Variants in ELANE observed in about 807,000 individuals in gnomAD.
ELANE encodes the protein neutrophil elastase.
A neutral mutation model predicts 20.6 loss-of-function variants in ELANE; 12 were observed. The ratio of observed to expected loss-of-function variants is 0.58; its 90% confidence interval spans 0.37 to 0.94. The LOEUF is 0.94. ELANE is among the 40% of genes least tolerant of loss of function. The pLI, the probability that ELANE is intolerant of heterozygous loss-of-function variation, is 0.01. For synonymous variants in ELANE, 203 were observed against 177.4 expected (o/e 1.14, Z -1.15); for missense variants, 388 against 395.2 (o/e 0.98, Z 0.15).
rs139637472 is a variant in ELANE, at chr19:852,367, C to A, written c.39C>A (p.Ala13=). The A allele has an allele frequency of 1.9e-6, 3 of 1,611,572 alleles. No individual in the cohort carries two copies. The African/African-American group carries it at 4.0e-5, about 22-fold the overall frequency. The stretch of plus-strand genomic sequence containing the variant: ...GCCGACTCGCGTGTCTTTTCCTCGC[C>A]TGTGTCCTGCCGGCCTTGCTGCTGG... ...LGRRLACLFL[A]CVLPALLLGG... The change falls in exon 1 of 5, where the codon GCC becomes GCA. Residue 13 remains alanine (A), a synonymous_variant. Coordinates refer to ENST00000263621, the MANE Select transcript of ELANE (RefSeq NM_001972.4).
Position 856,199 on chromosome 19 carries a change from C to A in ELANE, c.*35C>A. Reference sequence around the variant, plus strand: ...CCCGGGTCACCTCAGCTGCCCACACCCACACTCTCCAGCATCTGGCACAAT... The same window carrying A: ...CCCGGGTCACCTCAGCTGCCCACACACACACTCTCCAGCATCTGGCACAAT... On this transcript the variant is annotated 3_prime_UTR_variant, in exon 5 of 5. Transcript: ENST00000263621. The A allele has an allele frequency of 1.2e-6, 2 of 1,602,972 alleles. No individual in the cohort carries two copies. Among genetic ancestry groups the A allele is most frequent in the Non-Finnish European group, 1.7e-6 (2 of 1,171,286 alleles).
Position 852,754 on chromosome 19 carries a change from G to T in ELANE, c.68-122G>T, listed in dbSNP as rs1052644147. ...CCGATCCCGTGGGTTCCCGGTGGGG[G>T]ATCCCGTGGGTTCCCGGTGGGGGAT... On this transcript the variant is annotated intron_variant, in intron 1 of 4. Coordinates refer to ENST00000263621, the MANE Select transcript of ELANE (RefSeq NM_001972.4). 3.8e-5 allele frequency: 53 copies of T among 1,392,792 alleles called. No individual in the cohort carries two copies. The Admixed American group carries it at 1.3e-3, about 34-fold the overall frequency. 86.3% of individuals were successfully genotyped at this position (1,392,792 alleles called of 1,614,324 possible).
At position 852,350 on chromosome 19, in the gene ELANE, G is replaced by C. The variant is rs759486889; in HGVS notation, c.22G>C (p.Ala8Pro). 6.2e-7 allele frequency: 1 copy of C among 1,610,990 alleles called. No homozygotes were observed. The highest frequency in any genetic ancestry group is 8.5e-7 in the Non-Finnish European group (1 of 1,179,920). The change falls in exon 1 of 5, where the codon GCG becomes CCG. Residue 8 changes from alanine to proline, a missense_variant. This residue lies in a region of ELANE where 58 missense variants were observed against 56.7 expected (regional missense o/e 1.02). Transcript: ENST00000263621. ...CACCATGACCCTCGGCCGCCGACTC[G>C]CGTGTCTTTTCCTCGCCTGTGTCCT... MTLGRRL[A>P]CLFLACVLPA...
At position 852,344 on chromosome 19, in the gene ELANE, C is replaced by G; in HGVS notation, c.16C>G (p.Arg6Gly). 1.2e-6 allele frequency: 2 copies of G among 1,610,522 alleles called. No homozygotes were observed. The highest frequency in any genetic ancestry group is 1.7e-6 in the Non-Finnish European group (2 of 1,179,888). Reference protein sequence around the residue: MTLGRRLACLFLACVL... With the variant: MTLGRGLACLFLACVL... ...CAGCCCCACCATGACCCTCGGCCGC[C>G]GACTCGCGTGTCTTTTCCTCGCCTG... The change falls in exon 1 of 5, where the codon CGA becomes GGA. Residue 6 changes from arginine to glycine, a missense_variant. Around this residue, in one of 3 missense-constraint regions of ELANE, gnomAD observed 58 missense variants for 56.7 expected, o/e 1.02. Transcript: ENST00000263621.
chr19:853,999 C>G (rs921198914), intron 3 of ELANE, among the ~76,000 whole-genome samples: 4 of 151,650 alleles, frequency 2.6e-5, no homozygotes, highest in Non-Finnish European at 5.9e-5. Flanking sequence ...GAAGGGAGGC[C>G]CCGATCTGCT....
chr19:855,935 C>G lies in ELANE; in HGVS notation c.598-23C>G. 1 of 1,612,618 alleles carries G rather than the reference C, an allele frequency of 6.2e-7. No homozygotes were observed. The highest frequency in any genetic ancestry group is 8.5e-7 in the Non-Finnish European group (1 of 1,179,932). ...TGGGCAGGGCCTCGCAGTCCAGCTT[C>G]CCCACCTTGTCTGCCTCCACAGGGG... On this transcript the variant is annotated intron_variant, in intron 4 of 4. Transcript: ENST00000263621. The surrounding 1 kb of genome is among the most constrained non-coding windows in gnomAD (Gnocchi z 6.2).
chr19:854,794 A>G (rs961442477), intron 3 of ELANE, among the ~76,000 whole-genome samples: 1 of 146,518 alleles, frequency 6.8e-6, no homozygotes, highest in Non-Finnish European at 1.5e-5. Flanking sequence ...ATTTTATAAA[A>G]TAATAAATAT....
In ELANE at chr19:855,821, C is replaced by T; in HGVS notation, c.597+27C>T. ...TACGTGCCCTGGGTGTCCCTCTGCTCCCCACCCGCTCCCAGCCCGGACTGC... is the reference window on the plus strand; with the variant it reads ...TACGTGCCCTGGGTGTCCCTCTGCTTCCCACCCGCTCCCAGCCCGGACTGC... On this transcript the variant is annotated intron_variant, in intron 4 of 4. Transcript: ENST00000263621. The surrounding 1 kb of genome is among the most constrained non-coding windows in gnomAD (Gnocchi z 6.2). 2.5e-6 allele frequency: 4 copies of T among 1,606,778 alleles called. No homozygotes were observed. Among genetic ancestry groups the T allele is most frequent in the Non-Finnish European group, 3.4e-6 (4 of 1,179,228 alleles).
At chr19:852,455 T>C (rs2035608778) in intron 1 of ELANE, 60 bp downstream of exon 1, 2 of 1,565,812 alleles carry the variant, frequency 1.3e-6, no homozygotes, top group East Asian at 4.7e-5. Flanking sequence ...TTCCCACCTC[T>C]CCATAGAGGG....
intron 2 of ELANE, 105 bp from the exon 3 acceptor site, chr19:853,157 C>G: frequency 1.4e-6 from 2 of 1,470,622 alleles, no homozygotes; most frequent in Non-Finnish European, 1.8e-6. Flanking sequence ...CGGGGCCCCT[C>G]GAGCACCTTC....
In ELANE at chr19:856,197, A is replaced by G; in HGVS notation, c.*33A>G. 6.2e-7 allele frequency: 1 copy of G among 1,604,492 alleles called. No homozygotes were observed. The highest frequency in any genetic ancestry group is 8.5e-7 in the Non-Finnish European group (1 of 1,172,776). ...TGCCCGGGTCACCTCAGCTGCCCAC[A>G]CCCACACTCTCCAGCATCTGGCACA... On this transcript the variant is annotated 3_prime_UTR_variant, in exon 5 of 5. Transcript: ENST00000263621.
intron 1 of ELANE, 41 bp downstream of exon 1, chr19:852,436 C>G (rs1381115103): frequency 6.3e-7 from 1 of 1,591,092 alleles, no homozygotes. Flanking sequence ...CCCTCTGTCC[C>G]GGGTTCTGTT....
chr19:852,761 T>C, intron 1 of ELANE, 115 bp from the exon 2 acceptor site: 1 of 1,421,484 alleles, frequency 7.0e-7, no homozygotes, highest in Non-Finnish European at 9.3e-7. Flanking sequence ...GGGGATCCCG[T>C]GGGTTCCCGG....
At chr19:854,528 C>T (rs544741215) in intron 3 of ELANE, among the ~76,000 whole-genome samples, 6 of 151,232 alleles carry the variant, frequency 4.0e-5, no homozygotes, top group African/African-American at 9.7e-5. Flanking sequence ...GTGGCGCGAT[C>T]GCAGCTCACT....
intron 1 of ELANE, 124 bp from the exon 2 acceptor site, chr19:852,752 G>A (rs1232316482): frequency 1.5e-6 from 2 of 1,334,652 alleles, no homozygotes; most frequent in African/African-American, 3.5e-5. Flanking sequence ...TTCCCGGTGG[G>A]GGATCCCGTG....
rs1438297027 is a variant in ELANE, at chr19:855,945, T to C, written c.598-13T>C. On this transcript the variant is annotated splice_polypyrimidine_tract_variant and intron_variant, in intron 4 of 4. Coordinates refer to ENST00000263621, the MANE Select transcript of ELANE (RefSeq NM_001972.4). This position sits in a 1 kb window ranked among gnomAD's most constrained non-coding sequence, Gnocchi z 6.2. ...CTCGCAGTCCAGCTTCCCCACCTTG[T>C]CTGCCTCCACAGGGGGACTCCGGCA... is the stretch of plus-strand genomic sequence containing the variant. The C allele has an allele frequency of 6.2e-7, 1 of 1,613,002 alleles. No individual in the cohort carries two copies. Among genetic ancestry groups the C allele is most frequent in the South Asian group, 1.1e-5 (1 of 91,086 alleles).
chr19:852,585 A>C (rs2035610208), intron 1 of ELANE, among the ~76,000 whole-genome samples, 190 bp downstream of exon 1: 1 of 87,982 alleles, frequency 1.1e-5, no homozygotes, highest in Non-Finnish European at 2.2e-5. Flanking sequence ...TGGGGTTTGA[A>C]AACCGGGGAG....
In ELANE at chr19:855,802, C is replaced by G; in HGVS notation, c.597+8C>G. ...CAGGCCGGCGTCTGTTTCGTACGTG[C>G]CCTGGGTGTCCCTCTGCTCCCCACC... On this transcript the variant is annotated splice_region_variant and intron_variant, in intron 4 of 4. Coordinates refer to ENST00000263621, the MANE Select transcript of ELANE (RefSeq NM_001972.4). The surrounding 1 kb of genome is among the most constrained non-coding windows in gnomAD (Gnocchi z 6.2). 6.2e-7 allele frequency: 1 copy of G among 1,608,042 alleles called. No homozygotes were observed. The highest frequency in any genetic ancestry group is 8.5e-7 in the Non-Finnish European group (1 of 1,179,842).
Position 853,392 on chromosome 19 carries a change from G to A in ELANE, c.355G>A (p.Val119Met), listed in dbSNP as rs2035627465. Residue 119 changes from valine (V) to methionine (M), a missense_variant, in exon 3 of 5, where the codon GTG (valine) becomes ATG (methionine). This residue lies in a region of ELANE where 321 missense variants were observed against 309.8 expected (regional missense o/e 1.04). Transcript: ENST00000263621. ...YDPVNLLNDIVILQLNGSATI... is the reference protein window; with the variant it reads ...YDPVNLLNDIMILQLNGSATI... ...CCCCGTAAACTTGCTCAACGACATC[G>A]TGATTCTCCAGGTGCCGCCGGGCGG... 1.2e-6 allele frequency: 2 copies of A among 1,609,144 alleles called. No homozygotes were observed. The highest frequency in any genetic ancestry group is 1.3e-5 in the African/African-American group (1 of 74,780).
Sources: gnomAD v4.1 joint callset for allele counts (sites outside exome capture counted in the v4.1 genomes callset) on GRCh38, gnomAD v4.1.1 for gene constraint, gnomAD v4.1.1 regional missense constraint, Gnocchi (gnomAD v3.1) non-coding constraint, MANE v1.5 for transcripts, NCBI Gene and HGNC (gene_info 2026-07-23, HGNC 2026-07-21) for gene names.